UTRN: variants seen among roughly 807,000 people sequenced by gnomAD.
UTRN encodes utrophin.
UTRN carries 283 observed loss-of-function variants against 463.9 expected under a neutral mutation model. The observed-to-expected ratio is 0.61, with a 90% CI of 0.55 to 0.67. UTRN has a LOEUF of 0.67. Ranked by LOEUF, UTRN falls within the 30% of genes least tolerant of loss-of-function variation. The pLI is 0.00. For missense variants in UTRN, 3,922 were observed against 4,084.3 expected, an observed-to-expected ratio of 0.96 and a Z score of 1.08; for synonymous variants, 1,442 against 1,431.5, an observed-to-expected ratio of 1.01 and a Z score of -0.17.
chr6:144,791,741 T>C (rs1355001808), intron 62 of UTRN, among the ~76,000 whole-genome samples: 2 of 152,190 alleles, frequency 1.3e-5, no homozygotes, highest in Non-Finnish European at 2.9e-5. Context: ...ATGTGAACTT[T>C]TGTAGGAACT....
chr6:144,416,280 T>C (rs1784358628), intron 3 of UTRN, among the ~76,000 whole-genome samples: 1 of 152,214 alleles, frequency 6.6e-6, no homozygotes, highest in Admixed American at 6.5e-5. Context: ...CAGGAGGTTA[T>C]ACATATAAAT....
chr6:144,627,658 G>C (rs1206083433), intron 51 of UTRN, among the ~76,000 whole-genome samples: 1 of 151,940 alleles, frequency 6.6e-6, no homozygotes, highest in East Asian at 1.9e-4. Flanking sequence ...TCTACTTTCT[G>C]TACCTGAGAA....
At chr6:144,814,342 A>G (rs1431570562) in intron 65 of UTRN, among the ~76,000 whole-genome samples, 3 of 151,684 alleles carry the variant, frequency 2.0e-5, no homozygotes. Context: ...TGGACTTGCC[A>G]GTCTCCAGAA....
Position 144,291,825 on chromosome 6 carries a change from C to A in UTRN, c.-4C>A, listed in dbSNP as rs1441404366. ...TTTTTGGATTATCTTGAAACTCTGG[C>A]AAGATGGCCAAGTATGGAGAACATG... On this transcript the variant is annotated 5_prime_UTR_variant, in exon 2 of 75. Transcript: ENST00000367545. The A allele has an allele frequency of 1.2e-6, 2 of 1,610,418 alleles. No individual in the cohort carries two copies. Among genetic ancestry groups the A allele is most frequent in the Non-Finnish European group, 1.7e-6 (2 of 1,178,656 alleles).
At chr6:144,571,405 T>C (rs1800924908) in intron 50 of UTRN, among the ~76,000 whole-genome samples, 1 of 152,180 alleles carries the variant, frequency 6.6e-6, no homozygotes, top group South Asian at 2.1e-4. Flanking sequence ...AGAATATAGT[T>C]CTTTTCCCTC....
chr6:144,723,681 A>G (rs1358882592), intron 53 of UTRN, among the ~76,000 whole-genome samples: 1 of 152,144 alleles, frequency 6.6e-6, no homozygotes, highest in Non-Finnish European at 1.5e-5. Context: ...CTTACTTTGC[A>G]TATGCATTGG....
chr6:144,330,820 A>T, intron 2 of UTRN: 2 of 985,474 alleles, frequency 2.0e-6, no homozygotes. Context: ...CACGGTTCCC[A>T]TACTGTTTGG....
chr6:144,836,402 C>T lies in UTRN; in HGVS notation c.9926C>T (p.Ser3309Phe), dbSNP rs1781107778. The T allele has an allele frequency of 2.5e-6, 4 of 1,613,172 alleles. No individual in the cohort carries two copies. The highest frequency in any genetic ancestry group is 3.4e-6 in the Non-Finnish European group (4 of 1,179,484). Residue 3309 changes from serine (S) to phenylalanine (F), a missense_variant, in exon 71 of 75, where the codon TCT (serine) becomes TTT (phenylalanine). Transcript: ENST00000367545. ...PESIISPHHT[S>F]EDSELIAEAK... ...TCGATTATATCTCCCCATCACACGTCTGAGGATTCAGAACTTATAGCAGAA... is the reference window on the plus strand; with the variant it reads ...TCGATTATATCTCCCCATCACACGTTTGAGGATTCAGAACTTATAGCAGAA...
chr6:144,522,890 A>G, intron 40 of UTRN, 126 bp from the exon 41 acceptor site: 1 of 836,156 alleles, frequency 1.2e-6, no homozygotes, highest in Non-Finnish European at 1.8e-6. Flanking sequence ...AGTTTTCATG[A>G]TTAACAATGA....
intron 51 of UTRN, among the ~76,000 whole-genome samples, chr6:144,599,971 C>T (rs765298343): frequency 3.9e-5 from 6 of 152,064 alleles, no homozygotes; most frequent in Non-Finnish European, 7.4e-5. Context: ...ATATTTCGAA[C>T]TTTTTCATTA....
intron 45 of UTRN, among the ~76,000 whole-genome samples, chr6:144,541,285 C>G (rs1008001343): frequency 6.6e-6 from 1 of 152,186 alleles, no homozygotes; most frequent in African/African-American, 2.4e-5. Flanking sequence ...CCCCTACACT[C>G]CTTTCCAGAC....
At chr6:144,452,785 A>T (rs972462624) in intron 18 of UTRN, among the ~76,000 whole-genome samples, 2 of 151,646 alleles carry the variant, frequency 1.3e-5, no homozygotes, top group Non-Finnish European at 2.9e-5. Flanking sequence ...AAAGTAAAAA[A>T]AAAAAAAAAT....
chr6:144,673,178 T>A (rs943756390), intron 51 of UTRN, among the ~76,000 whole-genome samples: 5 of 152,132 alleles, frequency 3.3e-5, no homozygotes, highest in African/African-American at 1.2e-4. Context: ...TCTGCAAATA[T>A]CTGTTAAGCC....
intron 3 of UTRN, among the ~76,000 whole-genome samples, chr6:144,421,548 G>A (rs1272702106): frequency 1.3e-5 from 2 of 151,922 alleles, no homozygotes; most frequent in African/African-American, 2.4e-5. Flanking sequence ...AATTAGCTGG[G>A]CGTGGTGGCG....
chr6:144,628,224 G>A lies in UTRN; in HGVS notation c.7480-50182G>A, dbSNP rs6908478. Among the ~76,000 whole-genome samples the A allele has an allele frequency of 2.3e-3, 343 of 152,286 alleles. 2 individuals are homozygous for A. Among genetic ancestry groups the A allele is most frequent in the African/African-American group, 8.2e-3 (339 of 41,558 alleles). ...GAATAATGCTGCTATGAACATTGGT[G>A]TACAAGTATCCGTTTTAGTCTCTGC... On this transcript the variant is annotated intron_variant, in intron 51 of 74. Transcript: ENST00000367545.
At chr6:144,759,599 C>A (rs972052729) in intron 58 of UTRN, among the ~76,000 whole-genome samples, 4 of 152,170 alleles carry the variant, frequency 2.6e-5, no homozygotes, top group African/African-American at 9.6e-5. Context: ...ATCAACTGAC[C>A]TTTAATTAGG....
intron 51 of UTRN, among the ~76,000 whole-genome samples, chr6:144,611,969 A>G (rs189585947): frequency 6.6e-6 from 1 of 152,208 alleles, no homozygotes. Context: ...AAAACATGTT[A>G]TAAAGAGACT....
intron 71 of UTRN, among the ~76,000 whole-genome samples, chr6:144,837,750 A>G (rs78873952): frequency 1.1e-3 from 171 of 152,268 alleles, no homozygotes; most frequent in Middle Eastern, 6.8e-3. Context: ...TTTCTGCCTT[A>G]CCTACACAGA....
At chr6:144,646,624 TACCGATCAAGA>T (rs1222772521) in intron 51 of UTRN, among the ~76,000 whole-genome samples, 2 of 152,156 alleles carry the variant, frequency 1.3e-5, no homozygotes, top group African/African-American at 4.8e-5. Flanking sequence ...CCTATCATAA[TACCGATCAAGA>T]AATGGGAGGT....
Sources: gnomAD v4.1 joint callset for allele counts (sites outside exome capture counted in the v4.1 genomes callset) on GRCh38, gnomAD v4.1.1 for gene constraint, MANE v1.5 for transcripts, NCBI Gene and HGNC (gene_info 2026-07-23, HGNC 2026-07-21) for gene names.